Variants in KIAA1671 observed in about 807,000 individuals in gnomAD.
KIAA1671 encodes uncharacterized protein KIAA1671.
KIAA1671 carries 52 observed loss-of-function variants against 131.2 expected under a neutral mutation model. The ratio of observed to expected loss-of-function variants is 0.40; its 90% confidence interval spans 0.32 to 0.50. The LOEUF is 0.50. Among genes scored for constraint, KIAA1671 ranks in the 20% least tolerant of loss-of-function variants. The pLI, the probability that KIAA1671 is intolerant of heterozygous loss-of-function variation, is 0.73. For missense variants in KIAA1671, 2,360 were observed against 2,364.2 expected (o/e 1.00, Z 0.04); for synonymous variants, 1,003 against 961.6 (o/e 1.04, Z -0.80).
chr22:25,043,879 T>G (rs979899833), intron 5 of KIAA1671, among the ~76,000 whole-genome samples: 41 of 152,162 alleles, frequency 2.7e-4, no homozygotes, highest in Non-Finnish European at 1.0e-4. Context: ...AGATTCTTCC[T>G]TTGCCACTTG....
Position 25,174,447 on chromosome 22 carries a change from C to T in KIAA1671, c.4857C>T (p.Asp1619=), listed in dbSNP as rs151143067. The T allele has an allele frequency of 0.011, 16,311 of 1,544,994 alleles. 131 individuals are homozygous for T. The highest frequency in any genetic ancestry group is 0.027 in the Middle Eastern group (159 of 5,968). The change falls in exon 8 of 13, where the codon GAC becomes GAT. Residue 1619 remains aspartate (D), a synonymous_variant. Coordinates refer to ENST00000358431, the MANE Select transcript of KIAA1671 (RefSeq NM_001145206.2). The part of the protein sequence containing the change: ...TDGMEGPPPP[D]ACPEKRVDDF... Reference sequence around the variant, plus strand: ...GGATGGAGGGGCCGCCTCCACCGGACGCCTGCCCTGAAAAGAGAGTAGATG... The same window carrying T: ...GGATGGAGGGGCCGCCTCCACCGGATGCCTGCCCTGAAAAGAGAGTAGATG...
intron 6 of KIAA1671, among the ~76,000 whole-genome samples, chr22:25,117,589 A>C (rs1411292293): frequency 2.2e-4 from 21 of 94,702 alleles, no homozygotes; most frequent in Non-Finnish European, 4.9e-4. Flanking sequence ...CCCCAACCAC[A>C]CACACACACA....
At chr22:25,026,367 G>A (rs1925941754) in intron 2 of KIAA1671, among the ~76,000 whole-genome samples, 1 of 152,152 alleles carries the variant, frequency 6.6e-6, no homozygotes, top group African/African-American at 2.4e-5. Flanking sequence ...AAGAGAGCCT[G>A]GGGGATCGAG....
intron 6 of KIAA1671, among the ~76,000 whole-genome samples, chr22:25,068,443 GTT>G (rs925581733): frequency 6.8e-6 from 1 of 146,662 alleles, no homozygotes. Context: ...TTTTTTTGTT[GTT>G]TTTTTTTTTG....
intron 12 of KIAA1671, among the ~76,000 whole-genome samples, chr22:25,191,149 T>C (rs1934661817): frequency 6.7e-6 from 1 of 148,296 alleles, no homozygotes; most frequent in Non-Finnish European, 1.5e-5. Context: ...TGGTTACTTT[T>C]TTTTTTTTTT....
At chr22:25,029,811 G>A (rs989602141) in intron 3 of KIAA1671, among the ~76,000 whole-genome samples, 3 of 152,186 alleles carry the variant, frequency 2.0e-5, no homozygotes, top group African/African-American at 4.8e-5. Context: ...TGAAGTGGGC[G>A]GTATGTGCCC....
At chr22:25,146,188 T>C (rs537608833) in intron 6 of KIAA1671, among the ~76,000 whole-genome samples, 1 of 152,208 alleles carries the variant, frequency 6.6e-6, no homozygotes, top group Non-Finnish European at 1.5e-5. Context: ...GTTCTAGTCA[T>C]GGCTACCATG....
chr22:25,168,985 A>G (rs1933745776), intron 6 of KIAA1671, among the ~76,000 whole-genome samples: 1 of 152,118 alleles, frequency 6.6e-6, no homozygotes, highest in Admixed American at 6.5e-5. Flanking sequence ...GCAGGAGATG[A>G]TATGAAGCAT....
intron 9 of KIAA1671, among the ~76,000 whole-genome samples, chr22:25,179,002 C>T (rs527927456): frequency 3.3e-5 from 5 of 152,174 alleles, no homozygotes; most frequent in Admixed American, 1.3e-4. Context: ...GATCCCACGC[C>T]ACCGCCCTGG....
chr22:25,013,146 G>A (rs1201235916), intron 1 of KIAA1671: 1 of 152,198 alleles, frequency 6.6e-6, no homozygotes, highest in East Asian at 1.9e-4. Context: ...GCCCTGGAGG[G>A]TTGGAAGTCA....
intron 1 of KIAA1671, among the ~76,000 whole-genome samples, chr22:24,986,434 TG>T (rs1381111073): frequency 6.6e-6 from 1 of 152,042 alleles, no homozygotes; most frequent in Non-Finnish European, 1.5e-5. Context: ...GTTAATACAA[TG>T]TAGATACCAT....
chr22:25,116,340 G>A (rs556858935), intron 6 of KIAA1671, among the ~76,000 whole-genome samples: 1 of 148,964 alleles, frequency 6.7e-6, no homozygotes, highest in African/African-American at 2.5e-5. Context: ...CCCAAAGTGT[G>A]GGGATTGCAA....
chr22:25,034,380 C>A (rs1926474422), intron 4 of KIAA1671, among the ~76,000 whole-genome samples: 1 of 152,066 alleles, frequency 6.6e-6, no homozygotes, highest in Admixed American at 6.6e-5. Context: ...CCTGCTCTTC[C>A]CAGCCCATCA....
chr22:25,041,585 G>T (rs1926926563), intron 5 of KIAA1671, 60 bp downstream of exon 5: 1 of 1,450,014 alleles, frequency 6.9e-7, no homozygotes, highest in African/African-American at 1.4e-5. Flanking sequence ...AGTCTAGGGG[G>T]CCGAAACTCA....
intron 1 of KIAA1671, among the ~76,000 whole-genome samples, chr22:25,018,814 C>T (rs1925488171): frequency 2.0e-5 from 3 of 152,148 alleles, no homozygotes; most frequent in Admixed American, 6.6e-5. Flanking sequence ...CATTGATGGA[C>T]ATTTAATTGT....
chr22:25,086,788 G>A (rs895284065), intron 6 of KIAA1671, among the ~76,000 whole-genome samples: 14 of 152,306 alleles, frequency 9.2e-5, no homozygotes, highest in African/African-American at 3.1e-4. Context: ...GCGCCAGTCC[G>A]AATCCCAGCG....
chr22:24,989,917 G>C (rs1460479800), intron 1 of KIAA1671, among the ~76,000 whole-genome samples: 1 of 152,062 alleles, frequency 6.6e-6, no homozygotes, highest in Non-Finnish European at 1.5e-5. Flanking sequence ...AACCTTGTTG[G>C]GTTTTGGGAT....
chr22:25,043,543 A>C (rs1417720895), intron 5 of KIAA1671, among the ~76,000 whole-genome samples: 1 of 152,220 alleles, frequency 6.6e-6, no homozygotes, highest in African/African-American at 2.4e-5. Context: ...GTGGGGAAGA[A>C]ATCTGAGGCA....
intron 6 of KIAA1671, among the ~76,000 whole-genome samples, chr22:25,098,710 C>T (rs2145892062): frequency 6.6e-6 from 1 of 152,182 alleles, no homozygotes; most frequent in Admixed American, 6.5e-5. Flanking sequence ...AGGTCTAGGA[C>T]TCTGAGGCTG....
Sources: allele counts gnomAD v4.1 joint callset (sites outside exome capture counted in the v4.1 genomes callset), GRCh38; gene constraint gnomAD v4.1.1; transcripts MANE v1.5; gene names NCBI Gene and HGNC (gene_info 2026-07-23, HGNC 2026-07-21).